HKDC1: variants seen among roughly 807,000 people sequenced by gnomAD.
HKDC1 encodes hexokinase HKDC1.
HKDC1 carries 66 observed loss-of-function variants against 96.6 expected under a neutral mutation model. The ratio of observed to expected loss-of-function variants is 0.68; its 90% CI spans 0.56 to 0.84. The LOEUF (loss-of-function observed/expected upper bound fraction) is 0.84, where lower values mean the gene tolerates loss of function less well. Ranked by LOEUF, HKDC1 falls within the 40% of genes least tolerant of loss-of-function variation. HKDC1 has a pLI of 0.00. For missense variants in HKDC1, 1,211 were observed against 1,208.1 expected, an observed-to-expected ratio of 1.00 and a Z score of -0.04; for synonymous variants, 466 against 473.1, an observed-to-expected ratio of 0.98 and a Z score of 0.20.
chr10:69,231,713 T>C (rs545868122), intron 2 of HKDC1, among the ~76,000 whole-genome samples: 1 of 152,316 alleles, frequency 6.6e-6, no homozygotes, highest in Admixed American at 6.5e-5. Context: ...CATCTGCGCA[T>C]CCCTAGCACC....
intron 7 of HKDC1, among the ~76,000 whole-genome samples, chr10:69,244,382 C>T (rs986740497): frequency 2.0e-5 from 3 of 152,336 alleles, no homozygotes; most frequent in Admixed American, 2.0e-4. Context: ...ACTGTGCACC[C>T]GGGAAGCACA....
At chr10:69,260,537 G>A (rs1160029808) in intron 15 of HKDC1, among the ~76,000 whole-genome samples, 1 of 152,136 alleles carries the variant, frequency 6.6e-6, no homozygotes, top group Non-Finnish European at 1.5e-5. Flanking sequence ...AATTCCCTTA[G>A]GCTGATGAGG....
chr10:69,242,426 G>GAAAA (rs1294586012), intron 6 of HKDC1, among the ~76,000 whole-genome samples: 6 of 31,236 alleles, frequency 1.9e-4, no homozygotes, highest in Non-Finnish European at 2.7e-4. Flanking sequence ...GGAAGATACT[G>GAAAA]AAGAAAAAAA....
rs577579575 is a variant in HKDC1, at chr10:69,249,620, C to G, written c.1571-670C>G. On this transcript the variant is annotated intron_variant, in intron 10 of 17. Coordinates refer to ENST00000354624, the MANE Select transcript of HKDC1 (RefSeq NM_025130.4). ...ACACCATTCTCCTGCCTCAGCCTCC[C>G]GAGTAGCTGGGACTACAGGCGCCCA... Among the ~76,000 whole-genome samples the G allele has an allele frequency of 2.8e-3, 419 of 152,304 alleles. 1 individual carries two copies. The highest frequency in any genetic ancestry group is 9.7e-3 in the African/African-American group (405 of 41,568).
At chr10:69,221,780 A>G (rs1262487487) in intron 1 of HKDC1, among the ~76,000 whole-genome samples, 3 of 151,870 alleles carry the variant, frequency 2.0e-5, no homozygotes, top group African/African-American at 7.3e-5. Flanking sequence ...AAAACATGTA[A>G]AAATTAGCCG....
In HKDC1 at chr10:69,240,676, C is replaced by A. The variant is rs768588334; in HGVS notation, c.616C>A (p.Leu206Met). ...GGACATGGACGTGGACATCCTGGCC[C>A]TGGTCAATGACACCGTGGGGACCAT... ...HKDMDVDILA[L>M]VNDTVGTMMT... Residue 206 changes from leucine (L) to methionine (M), a missense_variant, in exon 6 of 18, where the codon CTG becomes ATG. Coordinates refer to ENST00000354624, the MANE Select transcript of HKDC1 (RefSeq NM_025130.4). The A allele has an allele frequency of 1.2e-6, 2 of 1,614,062 alleles. No homozygotes were observed. Among genetic ancestry groups the A allele is most frequent in the Admixed American group, 3.3e-5 (2 of 60,004 alleles).
chr10:69,265,664 G>A lies in HKDC1; in HGVS notation c.2452G>A (p.Val818Met), dbSNP rs755019092. ...LDSTCEDSIV[V>M]KEVCGAVSRR... is the part of the protein sequence containing the mutation. ...CAGCACGTGTGAGGACAGCATCGTG[G>A]TGAAGGAGGTGTGCGGAGCCGTGTC... Residue 818 changes from valine (V) to methionine (M), a missense_variant, in exon 17 of 18, where the codon GTG becomes ATG. Physicochemically the swap from Val to Met is conservative, Grantham distance 21. Coordinates refer to ENST00000354624, the MANE Select transcript of HKDC1 (RefSeq NM_025130.4). 3 of 1,614,134 alleles carry A rather than the reference G, an allele frequency of 1.9e-6. No homozygotes were observed. Among genetic ancestry groups the A allele is most frequent in the Non-Finnish European group, 1.7e-6 (2 of 1,180,000 alleles).
At chr10:69,231,175 G>A (rs144703615) in intron 2 of HKDC1, among the ~76,000 whole-genome samples, 85 of 152,186 alleles carry the variant, frequency 5.6e-4, no homozygotes, top group South Asian at 2.1e-3. Context: ...ATCCCCTCCC[G>A]TCCGATGGCA....
In HKDC1 at chr10:69,232,090, G is replaced by A. The variant is rs532981993; in HGVS notation, c.227-674G>A. Among the ~76,000 whole-genome samples, 14 of 152,308 alleles carry A rather than the reference G, an allele frequency of 9.2e-5. No individual in the cohort carries two copies. In the South Asian group the frequency reaches 1.5e-3, roughly 16 times the overall value. ...ACTGCTGACCTCAGGTGATCTGCCCGTCTCGGCCTCCCAAAATGCTGGGAT... is the reference window on the plus strand; with the variant it reads ...ACTGCTGACCTCAGGTGATCTGCCCATCTCGGCCTCCCAAAATGCTGGGAT... On this transcript the variant is annotated intron_variant, in intron 2 of 17. Coordinates refer to ENST00000354624, the MANE Select transcript of HKDC1 (RefSeq NM_025130.4).
In HKDC1 at chr10:69,237,008, C is replaced by T. The variant is rs1843372548; in HGVS notation, c.496-2034C>T. Reference sequence around the variant, plus strand: ...CAGGGCTCTGCTGCAGGAGTGGGTTCGGTAACACTAGAATAAGGGCTCCTG... The same window carrying T: ...CAGGGCTCTGCTGCAGGAGTGGGTTTGGTAACACTAGAATAAGGGCTCCTG... On this transcript the variant is annotated intron_variant, in intron 4 of 17. Transcript: ENST00000354624. Among the ~76,000 whole-genome samples, 4 of 151,966 alleles carry T rather than the reference C, an allele frequency of 2.6e-5. No individual in the cohort carries two copies. In the South Asian group the frequency reaches 6.2e-4, roughly 24 times the overall value.
chr10:69,256,917 C>CA, intron 12 of HKDC1, 119 bp from the exon 13 acceptor site: 1 of 746,892 alleles, frequency 1.3e-6, no homozygotes, highest in Non-Finnish European at 2.4e-6. Flanking sequence ...GAGGCATAGT[C>CA]AAAAGCACAC....
intron 2 of HKDC1, among the ~76,000 whole-genome samples, chr10:69,230,910 G>A (rs897113155): frequency 5.9e-5 from 9 of 152,294 alleles, no homozygotes; most frequent in Admixed American, 2.6e-4. Context: ...GTGAGCCACC[G>A]TGCCTGGCCG....
At chr10:69,258,749 C>T in intron 14 of HKDC1, 27 bp from the exon 15 acceptor site, 1 of 1,612,458 alleles carries the variant, frequency 6.2e-7, no homozygotes, top group Admixed American at 1.7e-5. Context: ...TCTTTGAAGA[C>T]TAAGGTTCCT....
chr10:69,250,530 C>A lies in HKDC1; in HGVS notation c.1717-3C>A, dbSNP rs752835577. 12 of 1,613,988 alleles carry A rather than the reference C, an allele frequency of 7.4e-6. No homozygotes were observed. The highest frequency in any genetic ancestry group is 4.4e-5 in the South Asian group (4 of 91,082). ...GTGAATGCCGCTCTCTCTCTCTCTG[C>A]AGCTCTTTGATCACATTGTGCAGTG... is the stretch of plus-strand genomic sequence containing the variant. On this transcript the variant is annotated splice_region_variant and splice_polypyrimidine_tract_variant and intron_variant, in intron 11 of 17. Coordinates refer to ENST00000354624, the MANE Select transcript of HKDC1 (RefSeq NM_025130.4).
chr10:69,259,025 G>A, intron 15 of HKDC1, 66 bp downstream of exon 15: 1 of 1,279,632 alleles, frequency 7.8e-7, no homozygotes, highest in South Asian at 1.7e-5. Context: ...GACCTAAGGG[G>A]GTACCATAGA....
At chr10:69,251,221 A>G (rs563216204) in intron 12 of HKDC1, among the ~76,000 whole-genome samples, 7 of 150,488 alleles carry the variant, frequency 4.7e-5, no homozygotes, top group Non-Finnish European at 8.9e-5. Context: ...CAGCCTCCCA[A>G]GTAGCTGTGA....
In HKDC1 at chr10:69,267,040, T is replaced by C. The variant is rs757576009; in HGVS notation, c.*283T>C. The C allele has an allele frequency of 3.2e-4, 93 of 292,630 alleles. No individual in the cohort carries two copies. Among genetic ancestry groups the C allele is most frequent in the Middle Eastern group, 3.1e-3 (3 of 958 alleles). The allele number at this position is 292,630 out of a possible 1,614,324, so 18.1% of individuals were successfully genotyped here. On this transcript the variant is annotated 3_prime_UTR_variant, in exon 18 of 18. Transcript: ENST00000354624. Reference sequence around the variant, plus strand: ...TTCAACACATTGTTCAGGTGAGGCTTGAGCTGTCAATTCTCTATGGCTTTC... The same window carrying C: ...TTCAACACATTGTTCAGGTGAGGCTCGAGCTGTCAATTCTCTATGGCTTTC...
Position 69,227,383 on chromosome 10 carries a change from T to C in HKDC1, c.226+14T>C, listed in dbSNP as rs1269435442. On this transcript the variant is annotated intron_variant, in intron 2 of 17. Coordinates refer to ENST00000354624, the MANE Select transcript of HKDC1 (RefSeq NM_025130.4). ...CCGATGGTTCCGGTGAGTGCAGTTG[T>C]CCGCTGCCAGGGTCCCTGGCTCCTC... The C allele has an allele frequency of 6.2e-7, 1 of 1,613,962 alleles. No individual in the cohort carries two copies. Among genetic ancestry groups the C allele is most frequent in the East Asian group, 2.2e-5 (1 of 44,862 alleles).
intron 12 of HKDC1, among the ~76,000 whole-genome samples, chr10:69,256,370 C>T (rs12765400): frequency 2.2e-4 from 33 of 152,160 alleles, no homozygotes; most frequent in Non-Finnish European, 4.0e-4. Context: ...CATTTGGTAG[C>T]TTTGCCTTTG....
Sources: gnomAD v4.1 joint callset for allele counts (sites outside exome capture counted in the v4.1 genomes callset) on GRCh38, gnomAD v4.1.1 for gene constraint, MANE v1.5 for transcripts, NCBI Gene and HGNC (gene_info 2026-07-23, HGNC 2026-07-21) for gene names.